The following RBFOX2 variants were observed in gnomAD, a reference collection of about 807,000 sequenced individuals.
The protein encoded by RBFOX2 is RNA binding protein fox-1 homolog 2.
A neutral mutation model predicts 49.1 loss-of-function variants in RBFOX2; 10 were observed. The observed-to-expected ratio is 0.20, with a 90% CI of 0.13 to 0.35. The LOEUF is 0.35. Among genes scored for constraint, RBFOX2 ranks in the 10% least tolerant of loss-of-function variants. The probability of loss-of-function intolerance (pLI) is 1.00; values close to 1 mark genes in which losing one functional copy is unlikely to be tolerated. For synonymous variants in RBFOX2, 183 were observed against 187.4 expected, an observed-to-expected ratio of 0.98 and a Z score of 0.19; for missense variants, 323 against 486.9, an observed-to-expected ratio of 0.66 and a Z score of 3.17.
At chr22:35,868,911 A>G (rs887901425) in intron 1 of RBFOX2, among the ~76,000 whole-genome samples, 1 of 152,144 alleles carries the variant, frequency 6.6e-6, no homozygotes, top group African/African-American at 2.4e-5. Context: ...GCAAACAATC[A>G]TTACTTCTAG....
upstream of RBFOX2, among the ~76,000 whole-genome samples, chr22:35,941,470 T>C (rs923652866): frequency 2.0e-5 from 3 of 152,144 alleles, no homozygotes; most frequent in Admixed American, 6.5e-5. Flanking sequence ...CACATAGATA[T>C]TGAATGGGAA....
intron 1 of RBFOX2, among the ~76,000 whole-genome samples, chr22:35,876,303 G>A (rs1355932563): frequency 6.6e-6 from 1 of 151,920 alleles, no homozygotes; most frequent in Non-Finnish European, 1.5e-5. Context: ...TCGGCTCTCT[G>A]CAACCTCCAC....
At chr22:35,979,904 A>AAT (rs2057374420) in intron 1 of RBFOX2, among the ~76,000 whole-genome samples, 1 of 152,194 alleles carries the variant, frequency 6.6e-6, no homozygotes, top group Non-Finnish European at 1.5e-5. Flanking sequence ...TCATTCGACA[A>AAT]ATAGGTAACC....
At chr22:35,805,280 A>C (rs1208730524) in intron 2 of RBFOX2, among the ~76,000 whole-genome samples, 2 of 133,354 alleles carry the variant, frequency 1.5e-5, no homozygotes, top group East Asian at 4.3e-4. Context: ...ACAGAGCGAG[A>C]CTCCGTCTCA....
chr22:35,781,465 T>A (rs975007943), intron 3 of RBFOX2, 135 bp downstream of exon 4: 5 of 1,199,146 alleles, frequency 4.2e-6, no homozygotes, highest in African/African-American at 1.5e-5. Context: ...TAAAGACTGA[T>A]GAAAAGACTG....
intron 1 of RBFOX2, among the ~76,000 whole-genome samples, chr22:35,855,133 C>G (rs1045337038): frequency 2.0e-5 from 3 of 152,050 alleles, no homozygotes; most frequent in African/African-American, 7.2e-5. Flanking sequence ...TGAGTCCCCT[C>G]CCTCATCAGA....
At chr22:35,904,027 A>G (rs1364959556) in intron 1 of RBFOX2, among the ~76,000 whole-genome samples, 4 of 152,082 alleles carry the variant, frequency 2.6e-5, no homozygotes, top group Admixed American at 6.6e-5. Context: ...ACTTCATACC[A>G]TATCTCCTCT....
intron 1 of RBFOX2, among the ~76,000 whole-genome samples, chr22:35,930,147 A>G (rs2052205160): frequency 6.6e-6 from 1 of 151,348 alleles, no homozygotes; most frequent in Non-Finnish European, 1.5e-5. Flanking sequence ...TCAGCTCCCA[A>G]GTAGCTGGGA....
intron 2 of RBFOX2, among the ~76,000 whole-genome samples, chr22:35,789,222 G>A (rs1290556375): frequency 2.0e-5 from 3 of 151,934 alleles, no homozygotes; most frequent in Non-Finnish European, 1.5e-5. Flanking sequence ...ATAATTTTCA[G>A]AACTTTTGGG....
rs185377367 is a variant in RBFOX2, at chr22:35,999,044, A to G, written c.186+29196T>C. On this transcript the variant is annotated intron_variant, in intron 1 of 13. Coordinates refer to the RBFOX2 transcript ENST00000438146. ...TCAAGGGCAACATGAGGAAGCCAAC[A>G]GATGAGAATGTCCCAGGCCAGCTCT... 3.3e-3 allele frequency: 506 copies of G among 152,572 alleles called. 3 individuals carry two copies. The highest frequency in any genetic ancestry group is 0.01 in the Middle Eastern group (3 of 296). The allele number at this position is 152,572 out of a possible 1,614,324, so 9.5% of individuals were successfully genotyped here.
At chr22:35,979,756 A>T (rs1033481418) in intron 1 of RBFOX2, among the ~76,000 whole-genome samples, 1 of 152,196 alleles carries the variant, frequency 6.6e-6, no homozygotes, top group Non-Finnish European at 1.5e-5. Context: ...GGAATTTAAG[A>T]GTACAATGTC....
chr22:35,906,206 A>G (rs1032330996), intron 1 of RBFOX2, among the ~76,000 whole-genome samples: 2 of 152,216 alleles, frequency 1.3e-5, no homozygotes, highest in Non-Finnish European at 2.9e-5. Flanking sequence ...GGAGGAAAAG[A>G]TCAAAGGAGG....
chr22:35,771,612 T>A (rs1276223288), intron 4 of RBFOX2, among the ~76,000 whole-genome samples: 1 of 152,292 alleles, frequency 6.6e-6, no homozygotes, highest in East Asian at 1.9e-4. Context: ...ATTAGGAAAG[T>A]GAGAGGTATG....
chr22:35,892,411 T>C (rs987289187), intron 1 of RBFOX2, among the ~76,000 whole-genome samples: 29 of 152,108 alleles, frequency 1.9e-4, no homozygotes, highest in Non-Finnish European at 3.1e-4. Context: ...CAAAGCAGCA[T>C]AGAGAGCGCA....
chr22:35,899,823 T>C (rs1032910155), intron 1 of RBFOX2, among the ~76,000 whole-genome samples: 3 of 152,210 alleles, frequency 2.0e-5, no homozygotes, highest in Admixed American at 1.3e-4. Context: ...TTGTGACTGA[T>C]AGCTTATCAC....
At chr22:35,915,645 G>A (rs2050327350) in intron 1 of RBFOX2, among the ~76,000 whole-genome samples, 1 of 152,126 alleles carries the variant, frequency 6.6e-6, no homozygotes, top group African/African-American at 2.4e-5. Flanking sequence ...GGGATGAAGA[G>A]CTACAGTTAA....
At chr22:35,942,713 T>C (rs2053827976), upstream of RBFOX2, among the ~76,000 whole-genome samples, 1 of 140,028 alleles carries the variant, frequency 7.1e-6, no homozygotes, top group Non-Finnish European at 1.5e-5. Flanking sequence ...CACAGCGACA[T>C]CCCATCTCTT....
At chr22:35,780,380 AC>A (rs993334173) in intron 3 of RBFOX2, among the ~76,000 whole-genome samples, 1 of 152,020 alleles carries the variant, frequency 6.6e-6, no homozygotes, top group African/African-American at 2.4e-5. Flanking sequence ...AAAAAAAAAA[AC>A]AAAAAAACTA....
chr22:35,905,239 T>A (rs1197633642), intron 1 of RBFOX2, among the ~76,000 whole-genome samples: 1 of 152,056 alleles, frequency 6.6e-6, no homozygotes, highest in East Asian at 1.9e-4. Flanking sequence ...AGGAATATTA[T>A]GTTAGAGGCA....
Sources: allele counts gnomAD v4.1 joint callset (sites outside exome capture counted in the v4.1 genomes callset), GRCh38; gene constraint gnomAD v4.1.1; transcripts MANE v1.5; gene names NCBI Gene and HGNC (gene_info 2026-07-23, HGNC 2026-07-21).